Variants in UBR2 observed in about 807,000 individuals in gnomAD.
UBR2 encodes E3 ubiquitin-protein ligase UBR2.
UBR2 carries 92 observed loss-of-function variants against 247.9 expected under a neutral mutation model. The ratio of observed to expected loss-of-function variants is 0.37; its 90% CI spans 0.31 to 0.44. The LOEUF (loss-of-function observed/expected upper bound fraction) is 0.44. Among genes scored for constraint, UBR2 ranks in the 20% least tolerant of loss-of-function variants. The pLI is 1.00. For synonymous variants in UBR2, 672 were observed against 693.5 expected, an observed-to-expected ratio of 0.97 and a Z score of 0.49; for missense variants, 1,613 against 2,112.6, an observed-to-expected ratio of 0.76 and a Z score of 4.64.
chr6:42,601,688 C>CAAA (rs370998275), intron 4 of UBR2, among the ~76,000 whole-genome samples: 4 of 117,456 alleles, frequency 3.4e-5, no homozygotes, highest in African/African-American at 3.1e-5. Flanking sequence ...AACTCTAGCT[C>CAAA]AAAAAAAAAA....
chr6:42,590,079 C>T (rs551010371), intron 2 of UBR2, among the ~76,000 whole-genome samples: 70 of 152,142 alleles, frequency 4.6e-4, no homozygotes, highest in Non-Finnish European at 9.0e-4. Flanking sequence ...TCCAGTTACA[C>T]AGTAGTATAA....
At chr6:42,650,524 T>A (rs1797051843) in intron 23 of UBR2, 138 bp downstream of exon 23, 1 of 633,784 alleles carries the variant, frequency 1.6e-6, no homozygotes, top group South Asian at 2.0e-5. Flanking sequence ...CTCAAACTCC[T>A]GGGCTCAAGC....
chr6:42,638,218 A>G (rs1796223573), intron 15 of UBR2, among the ~76,000 whole-genome samples: 2 of 151,868 alleles, frequency 1.3e-5, no homozygotes, highest in South Asian at 4.2e-4. Flanking sequence ...TCCTTGTGTG[A>G]GTTTTGGTAG....
chr6:42,659,098 A>G lies in UBR2; in HGVS notation c.3242+274A>G, dbSNP rs1248106403. ...CACTACACTCAGTTACCTAGAGCGTATGACATCTGTGTTGAAGATTAGATT... is the reference window on the plus strand; with the variant it reads ...CACTACACTCAGTTACCTAGAGCGTGTGACATCTGTGTTGAAGATTAGATT... On this transcript the variant is annotated intron_variant, in intron 29 of 46. Transcript: ENST00000372901. The surrounding 1 kb of genome is among the most constrained non-coding windows in gnomAD (Gnocchi z 4.3). Among the ~76,000 whole-genome samples, 1 of 152,202 alleles carries G rather than the reference A, an allele frequency of 6.6e-6. No homozygotes were observed. Among genetic ancestry groups the G allele is most frequent in the Non-Finnish European group, 1.5e-5 (1 of 68,036 alleles).
Position 42,612,206 on chromosome 6 carries a change from T to C in UBR2, c.900T>C (p.Val300=), listed in dbSNP as rs771142071. ...GTAGACAGACAAAGCCACTCAAAGT[T>C]CAAGTTATGCATTCGTCTATTGTCG... The part of the protein sequence containing the change: ...NTSRQTKPLK[V]QVMHSSIVAH... Residue 300 remains valine (V), a synonymous_variant, in exon 8 of 47, where the codon GTT becomes GTC. Transcript: ENST00000372901. The C allele has an allele frequency of 1.3e-6, 2 of 1,555,136 alleles. No individual in the cohort carries two copies. The highest frequency in any genetic ancestry group is 4.5e-5 in the East Asian group (2 of 44,132).
At chr6:42,606,465 GAGC>G in intron 6 of UBR2, 121 bp from the exon 7 acceptor site, 2 of 799,668 alleles carry the variant, frequency 2.5e-6, no homozygotes, top group Non-Finnish European at 4.0e-6. Flanking sequence ...TGAGTAGGAT[GAGC>G]ATTGTAAATA....
At chr6:42,605,903 T>C in intron 6 of UBR2, 44 bp downstream of exon 6, 5 of 1,530,458 alleles carry the variant, frequency 3.3e-6, no homozygotes, top group Non-Finnish European at 3.6e-6. Flanking sequence ...ATTTTTACTA[T>C]AGGTAAGTTA....
chr6:42,631,859 T>TA (rs1310798820), intron 11 of UBR2, among the ~76,000 whole-genome samples: 23 of 31,976 alleles, frequency 7.2e-4, no homozygotes, highest in African/African-American at 1.4e-3. Context: ...ATACTCTGAT[T>TA]TTATATATAT....
intron 7 of UBR2, among the ~76,000 whole-genome samples, chr6:42,609,094 G>T (rs1403032325): frequency 6.6e-6 from 1 of 152,214 alleles, no homozygotes; most frequent in Non-Finnish European, 1.5e-5. Flanking sequence ...CATGAAGTTA[G>T]AGTGATAAAA....
intron 41 of UBR2, 81 bp from the exon 42 acceptor site, chr6:42,679,643 T>A: frequency 4.9e-6 from 5 of 1,026,048 alleles, no homozygotes; most frequent in Non-Finnish European, 7.3e-6. Context: ...CCTTTTTTTT[T>A]AAACTCTGCT....
In UBR2 at chr6:42,645,448, C is replaced by A; in HGVS notation, c.2285-18C>A. 2 of 1,609,360 alleles carry A rather than the reference C, an allele frequency of 1.2e-6. No homozygotes were observed. The highest frequency in any genetic ancestry group is 1.7e-5 in the Admixed American group (1 of 58,842). On this transcript the variant is annotated intron_variant, in intron 20 of 46. Coordinates refer to ENST00000372901, the MANE Select transcript of UBR2 (RefSeq NM_001363705.2). ...ATTATGTTAAATGTATGTATATGTA[C>A]TTTTCCATTTTTGACAGGAGAGAGA...
intron 8 of UBR2, among the ~76,000 whole-genome samples, chr6:42,614,205 A>AAAAATAT (rs1562310782): frequency 4.9e-4 from 13 of 26,604 alleles, no homozygotes; most frequent in Non-Finnish European, 6.1e-4. Context: ...AAAAAAAAAA[A>AAAAATAT]CTATATATAT....
intron 11 of UBR2, among the ~76,000 whole-genome samples, chr6:42,627,466 GGA>G (rs760595898): frequency 6.6e-6 from 1 of 151,970 alleles, no homozygotes; most frequent in Non-Finnish European, 1.5e-5. Flanking sequence ...TTTGTTTCAG[GGA>G]GAGTCTATTA....
chr6:42,569,460 C>A (rs1018975941), intron 1 of UBR2, among the ~76,000 whole-genome samples: 1 of 151,970 alleles, frequency 6.6e-6, no homozygotes, highest in Non-Finnish European at 1.5e-5. Flanking sequence ...GTCTTCTTTG[C>A]CTATTTTCAA....
intron 1 of UBR2, among the ~76,000 whole-genome samples, chr6:42,572,955 C>T (rs544841834): frequency 5.3e-5 from 8 of 152,204 alleles, no homozygotes; most frequent in Admixed American, 2.6e-4. Flanking sequence ...TCTGCTTGGC[C>T]TGGCCTCCCA....
intron 11 of UBR2, among the ~76,000 whole-genome samples, chr6:42,630,305 C>T (rs1271667635): frequency 6.6e-6 from 1 of 151,708 alleles, no homozygotes; most frequent in Non-Finnish European, 1.5e-5. Context: ...CTGTCTCAGC[C>T]TCCCGAGTAG....
chr6:42,611,741 A>C (rs997279475), intron 7 of UBR2, among the ~76,000 whole-genome samples: 1 of 151,726 alleles, frequency 6.6e-6, no homozygotes, highest in Non-Finnish European at 1.5e-5. Flanking sequence ...CCCTGTCTCT[A>C]CTAAAAATAC....
chr6:42,670,270 G>A (rs186859741), intron 35 of UBR2, 30 bp downstream of exon 35: 2 of 1,602,700 alleles, frequency 1.2e-6, no homozygotes, highest in African/African-American at 2.7e-5. Flanking sequence ...TTCTCTATAA[G>A]TCACAAGCAT....
intron 4 of UBR2, among the ~76,000 whole-genome samples, chr6:42,602,874 TTAAAC>T (rs1793477729): frequency 6.6e-6 from 1 of 152,028 alleles, no homozygotes; most frequent in South Asian, 2.1e-4. Flanking sequence ...TACTTAGCCA[TTAAAC>T]TAAAGAGTTT....
Sources: allele counts gnomAD v4.1 joint callset (sites outside exome capture counted in the v4.1 genomes callset), GRCh38; gene constraint gnomAD v4.1.1; non-coding constraint Gnocchi (gnomAD v3.1); transcripts MANE v1.5; gene names NCBI Gene and HGNC (gene_info 2026-07-23, HGNC 2026-07-21).